The following NLGN1 variants were observed in gnomAD, a reference collection of about 807,000 sequenced individuals.
The protein encoded by NLGN1 is neuroligin 1, also known as neuroligin-1.
In NLGN1, 12 loss-of-function variants were observed where a neutral mutation model predicts 65.5. That is an observed-to-expected ratio of 0.18 (90% CI 0.12 to 0.30). NLGN1 has a LOEUF of 0.30. NLGN1 is among the 10% of genes least tolerant of loss of function. The pLI is 1.00. For missense variants in NLGN1, 750 were observed against 1,007.1 expected (o/e 0.74, Z 3.46); for synonymous variants, 350 against 359.5 (o/e 0.97, Z 0.30).
Position 173,732,138 on chromosome 3 carries a change from A to G in NLGN1, c.494-75542A>G, listed in dbSNP as rs562801155. 1.2e-4 allele frequency among the ~76,000 whole-genome samples: 19 copies of G among 152,230 alleles called. No individual in the cohort carries two copies. In the East Asian group the frequency reaches 3.3e-3, roughly 26 times the overall value. On this transcript the variant is annotated intron_variant, in intron 3 of 6. Coordinates refer to ENST00000457714, the Ensembl canonical transcript of NLGN1. The stretch of plus-strand genomic sequence containing the variant: ...TCACTAGGACCTTAAATGCCCCAGT[A>G]GGACATCTTAGCATAACTAGATGTT...
At chr3:174,116,330 CTTT>C (rs1168837585) in intron 4 of NLGN1, among the ~76,000 whole-genome samples, 1,698 of 69,400 alleles carry the variant, frequency 0.024, 313 homozygotes, top group Non-Finnish European at 0.036. Context: ...TCTGGGTTTT[CTTT>C]TTTTTTTTTT....
At chr3:173,406,528 GATAT>G (rs1000770749) in intron 1 of NLGN1, among the ~76,000 whole-genome samples, 1 of 145,948 alleles carries the variant, frequency 6.9e-6, no homozygotes, top group African/African-American at 2.5e-5. Context: ...TATATGAATA[GATAT>G]ATATATCAAT....
At chr3:173,414,673 A>T (rs1713318300) in intron 1 of NLGN1, among the ~76,000 whole-genome samples, 1 of 152,100 alleles carries the variant, frequency 6.6e-6, no homozygotes. Flanking sequence ...ATTTGTGTTT[A>T]ATAGTAAAAC....
intron 3 of NLGN1, among the ~76,000 whole-genome samples, chr3:173,667,965 T>C (rs1761947222): frequency 6.6e-6 from 1 of 152,150 alleles, no homozygotes; most frequent in African/African-American, 2.4e-5. Context: ...TGGAAACATA[T>C]ATAACTTCTT....
At chr3:173,439,503 T>G (rs890985394) in intron 2 of NLGN1, among the ~76,000 whole-genome samples, 2 of 151,248 alleles carry the variant, frequency 1.3e-5, no homozygotes, top group African/African-American at 4.9e-5. Flanking sequence ...GTTTATTTCT[T>G]ATTGTTAAAA....
chr3:173,662,725 C>T (rs1428900560), intron 3 of NLGN1, among the ~76,000 whole-genome samples: 1 of 151,930 alleles, frequency 6.6e-6, no homozygotes, highest in Non-Finnish European at 1.5e-5. Flanking sequence ...TTTTGGCATT[C>T]TCAAAATAAG....
At chr3:173,598,704 A>G (rs1749932047) in intron 2 of NLGN1, among the ~76,000 whole-genome samples, 1 of 152,186 alleles carries the variant, frequency 6.6e-6, no homozygotes, top group African/African-American at 2.4e-5. Context: ...TTCCTCAAAA[A>G]AGCCTTTTAC....
chr3:174,015,005 G>A (rs1726270522), intron 4 of NLGN1, among the ~76,000 whole-genome samples: 1 of 152,168 alleles, frequency 6.6e-6, no homozygotes, highest in Non-Finnish European at 1.5e-5. Flanking sequence ...GCTGGAGGAA[G>A]TCTCTACCAA....
chr3:173,902,303 G>A (rs1737523927), intron 4 of NLGN1, among the ~76,000 whole-genome samples: 1 of 152,054 alleles, frequency 6.6e-6, no homozygotes, highest in Non-Finnish European at 1.5e-5. Flanking sequence ...CCTTTCCATA[G>A]GAATACACAC....
At chr3:173,712,065 AG>A (rs1769076556) in intron 3 of NLGN1, among the ~76,000 whole-genome samples, 1 of 152,220 alleles carries the variant, frequency 6.6e-6, no homozygotes, top group Non-Finnish European at 1.5e-5. Flanking sequence ...AGCTTTAAAA[AG>A]CAAACTAAAT....
At chr3:173,853,103 A>G (rs1010101362) in intron 4 of NLGN1, among the ~76,000 whole-genome samples, 2 of 152,184 alleles carry the variant, frequency 1.3e-5, no homozygotes, top group African/African-American at 2.4e-5. Context: ...TAAGACATCA[A>G]CATAATCACT....
At chr3:173,700,853 C>T (rs182526491) in intron 3 of NLGN1, among the ~76,000 whole-genome samples, 398 of 152,262 alleles carry the variant, frequency 2.6e-3, no homozygotes, top group Non-Finnish European at 3.8e-3. Flanking sequence ...AGGCCGGGCA[C>T]GGTGGCTCAA....
At chr3:173,995,175 A>G (rs1722006265) in intron 4 of NLGN1, among the ~76,000 whole-genome samples, 1 of 152,316 alleles carries the variant, frequency 6.6e-6, no homozygotes, top group African/African-American at 2.4e-5. Flanking sequence ...TTATCCAGAG[A>G]TTATTCAGGT....
chr3:173,504,371 G>A (rs1731652794), intron 2 of NLGN1, among the ~76,000 whole-genome samples: 1 of 152,064 alleles, frequency 6.6e-6, no homozygotes, highest in Non-Finnish European at 1.5e-5. Context: ...TAGCTCATAT[G>A]TGTGCTTTAG....
At chr3:173,769,742 A>G (rs574108251) in intron 3 of NLGN1, among the ~76,000 whole-genome samples, 2 of 152,318 alleles carry the variant, frequency 1.3e-5, no homozygotes, top group African/African-American at 4.8e-5. Flanking sequence ...GAGTGCATCT[A>G]CTTAACAACT....
intron 2 of NLGN1, among the ~76,000 whole-genome samples, chr3:173,586,695 C>A (rs977266331): frequency 1.3e-5 from 2 of 152,068 alleles, no homozygotes; most frequent in Admixed American, 6.6e-5. Flanking sequence ...AGTTTTAAGG[C>A]GATATCTGAG....
chr3:174,175,067 A>G (rs1729197269), intron 4 of NLGN1, among the ~76,000 whole-genome samples: 1 of 152,020 alleles, frequency 6.6e-6, no homozygotes, highest in Admixed American at 6.6e-5. Context: ...GTGACTTAAC[A>G]CATAGTCTAT....
chr3:173,639,701 A>C (rs1019221067), intron 3 of NLGN1, among the ~76,000 whole-genome samples: 7 of 152,202 alleles, frequency 4.6e-5, no homozygotes, highest in African/African-American at 1.7e-4. Flanking sequence ...AGAAAAGCCA[A>C]GACTGATGCT....
chr3:173,640,788 C>CG (rs1757294448), intron 3 of NLGN1, among the ~76,000 whole-genome samples: 1 of 152,118 alleles, frequency 6.6e-6, no homozygotes, highest in Non-Finnish European at 1.5e-5. Context: ...CCAAACGTTG[C>CG]TTACAATAAT....
Sources: allele counts gnomAD v4.1 joint callset (sites outside exome capture counted in the v4.1 genomes callset), GRCh38; gene constraint gnomAD v4.1.1; transcripts MANE v1.5; gene names NCBI Gene and HGNC (gene_info 2026-07-23, HGNC 2026-07-21).